Variants in RCAN1 observed in about 807,000 individuals in gnomAD.
RCAN1 encodes regulator of calcineurin 1.
A neutral mutation model predicts 22.9 loss-of-function variants in RCAN1; 11 were observed. The ratio of observed to expected loss-of-function variants is 0.48; its 90% confidence interval spans 0.30 to 0.79. The LOEUF is 0.79. RCAN1 is among the 30% of genes least tolerant of loss of function. The pLI is 0.06. For synonymous variants in RCAN1, 136 were observed against 142.3 expected (o/e 0.96, Z 0.32); for missense variants, 291 against 337.8 (o/e 0.86, Z 1.09).
intron 3 of RCAN1, chr21:34,521,074 C>A: frequency 8.1e-7 from 1 of 1,233,616 alleles, no homozygotes; most frequent in Non-Finnish European, 1.0e-6. Context: ...GTGAGAATCA[C>A]AGGAAAGGGA....
At position 34,571,899 on chromosome 21, in the gene RCAN1, G is replaced by A. The variant is rs142274396; in HGVS notation, c.252+42861C>T. Among the ~76,000 whole-genome samples, 394 of 152,252 alleles carry A rather than the reference G, an allele frequency of 2.6e-3. 2 individuals are homozygous for A. Among genetic ancestry groups the A allele is most frequent in the African/African-American group, 8.9e-3 (368 of 41,522 alleles). ...CCATTTAGACAATTTACTTATTGTT[G>A]TAAATTACAACAAATGCTTTTACTT... On this transcript the variant is annotated intron_variant, in intron 1 of 3. Transcript: ENST00000313806.
At chr21:34,540,771 G>A (rs1380761446) in intron 1 of RCAN1, among the ~76,000 whole-genome samples, 1 of 152,084 alleles carries the variant, frequency 6.6e-6, no homozygotes, top group Non-Finnish European at 1.5e-5. Context: ...CAGATCATGA[G>A]GTCAGGAGTT....
intron 1 of RCAN1, among the ~76,000 whole-genome samples, chr21:34,600,975 C>T (rs1988318743): frequency 6.6e-6 from 1 of 152,176 alleles, no homozygotes; most frequent in Non-Finnish European, 1.5e-5. Flanking sequence ...CAGGCACACA[C>T]CACTGCAAAA....
At chr21:34,548,645 T>C (rs1185887465) in intron 1 of RCAN1, among the ~76,000 whole-genome samples, 1 of 152,268 alleles carries the variant, frequency 6.6e-6, no homozygotes, top group Non-Finnish European at 1.5e-5. Context: ...TGTCTTTAAC[T>C]GTATTGTGAT....
chr21:34,584,072 T>A (rs1185699283), intron 1 of RCAN1, among the ~76,000 whole-genome samples: 2 of 152,232 alleles, frequency 1.3e-5, no homozygotes, highest in African/African-American at 4.8e-5. Flanking sequence ...CTGCTCCTAC[T>A]TGGATTCCTG....
intron 1 of RCAN1, among the ~76,000 whole-genome samples, chr21:34,571,997 A>T (rs1217124142): frequency 6.6e-6 from 1 of 152,216 alleles, no homozygotes; most frequent in Non-Finnish European, 1.5e-5. Flanking sequence ...GAAAATGATC[A>T]TCCTATTTCA....
In RCAN1 at chr21:34,533,109, C is replaced by T. The variant is rs369133803; in HGVS notation, c.253-9399G>A. Among the ~76,000 whole-genome samples the T allele has an allele frequency of 5.9e-3, 895 of 151,540 alleles. 11 individuals are homozygous for T. Among genetic ancestry groups the T allele is most frequent in the African/African-American group, 0.019 (786 of 41,240 alleles). ...CCGAGTAGCTGGGACTACAGGTGCC[C>T]GCCACCACGCCCGGCTAATTTTTTG... On this transcript the variant is annotated intron_variant, in intron 1 of 3. Coordinates refer to ENST00000313806, the MANE Select transcript of RCAN1 (RefSeq NM_004414.7).
chr21:34,562,916 C>A (rs1164109397), intron 1 of RCAN1, among the ~76,000 whole-genome samples: 3 of 152,216 alleles, frequency 2.0e-5, no homozygotes, highest in Non-Finnish European at 4.4e-5. Flanking sequence ...TGGCAACCTG[C>A]TGCCACCAGC....
intron 1 of RCAN1, among the ~76,000 whole-genome samples, chr21:34,553,410 T>C (rs1202741988): frequency 2.6e-5 from 4 of 152,156 alleles, no homozygotes; most frequent in Admixed American, 2.0e-4. Flanking sequence ...TTATAGCACA[T>C]AAAATCATGG....
At chr21:34,606,020 C>T (rs762190548) in intron 1 of RCAN1, among the ~76,000 whole-genome samples, 54 of 152,228 alleles carry the variant, frequency 3.5e-4, no homozygotes, top group Non-Finnish European at 1.9e-4. Flanking sequence ...CCTGTGTGAC[C>T]TCAGACAGGT....
intron 1 of RCAN1, among the ~76,000 whole-genome samples, chr21:34,561,431 A>T (rs577130938): frequency 6.6e-6 from 1 of 152,314 alleles, no homozygotes; most frequent in South Asian, 2.1e-4. Context: ...TTTGTAAGCT[A>T]TGGTTTGACT....
chr21:34,555,595 T>G (rs1986529856), intron 1 of RCAN1, among the ~76,000 whole-genome samples: 1 of 149,510 alleles, frequency 6.7e-6, no homozygotes, highest in South Asian at 2.1e-4. Context: ...AATAAAATAA[T>G]AATAATAATA....
intron 3 of RCAN1, chr21:34,521,052 TAAG>T: frequency 1.7e-6 from 2 of 1,180,654 alleles, no homozygotes; most frequent in Non-Finnish European, 2.1e-6. Flanking sequence ...CCTTTTCCTT[TAAG>T]AAGGCCAGGT....
intron 1 of RCAN1, among the ~76,000 whole-genome samples, chr21:34,577,841 A>G (rs969939336): frequency 3.9e-5 from 6 of 152,314 alleles, no homozygotes; most frequent in African/African-American, 1.2e-4. Context: ...GTGAGAGGGA[A>G]GGTGCCAACA....
chr21:34,612,506 C>T (rs1988710116), intron 1 of RCAN1, among the ~76,000 whole-genome samples: 1 of 152,208 alleles, frequency 6.6e-6, no homozygotes, highest in African/African-American at 2.4e-5. Context: ...CCTACTAACT[C>T]CTCTGTGTAA....
At chr21:34,590,556 T>C (rs1913939717) in intron 1 of RCAN1, among the ~76,000 whole-genome samples, 1 of 152,198 alleles carries the variant, frequency 6.6e-6, no homozygotes, top group Non-Finnish European at 1.5e-5. Flanking sequence ...AAGTGAGTGT[T>C]TTCTCCACAT....
At chr21:34,521,088 T>C in intron 3 of RCAN1, 1 of 1,259,914 alleles carries the variant, frequency 7.9e-7, no homozygotes, top group Non-Finnish European at 1.0e-6. Flanking sequence ...AAAGGGAGAA[T>C]TTATTTTGAT....
At chr21:34,544,708 T>G (rs368731255) in intron 1 of RCAN1, among the ~76,000 whole-genome samples, 1 of 152,216 alleles carries the variant, frequency 6.6e-6, no homozygotes, top group East Asian at 1.9e-4. Context: ...TTGCTGAATC[T>G]CTTCCTTGTC....
At chr21:34,576,389 T>C (rs1987411585) in intron 1 of RCAN1, among the ~76,000 whole-genome samples, 1 of 152,134 alleles carries the variant, frequency 6.6e-6, no homozygotes, top group South Asian at 2.1e-4. Context: ...TCTGGACAGC[T>C]TCCAGAGGAA....
Sources: allele counts gnomAD v4.1 joint callset (sites outside exome capture counted in the v4.1 genomes callset), GRCh38; gene constraint gnomAD v4.1.1; transcripts MANE v1.5; gene names NCBI Gene and HGNC (gene_info 2026-07-23, HGNC 2026-07-21).